Variants in GNA14 observed in about 807,000 individuals in gnomAD.
GNA14 encodes the protein G protein subunit alpha 14, also known as guanine nucleotide-binding protein subunit alpha-14.
Under a neutral mutation model 42.0 loss-of-function variants are expected in GNA14, and 50 were observed. The ratio of observed to expected loss-of-function variants is 1.19; its 90% CI spans 0.95 to 1.51. GNA14 has a LOEUF of 1.51. Ranked by LOEUF, GNA14 falls within the 40% of genes most tolerant of loss-of-function variation. The pLI is 0.00. For missense variants in GNA14, 473 were observed against 446.2 expected (o/e 1.06, Z -0.54); for synonymous variants, 173 against 163.1 (o/e 1.06, Z -0.46).
chr9:77,607,940 T>A (rs1169924696), intron 1 of GNA14, among the ~76,000 whole-genome samples: 2 of 152,134 alleles, frequency 1.3e-5, no homozygotes. Context: ...AACATTACAT[T>A]GAGGGTTAAG....
chr9:77,561,120 A>G (rs1030597497), intron 1 of GNA14, among the ~76,000 whole-genome samples: 3 of 152,214 alleles, frequency 2.0e-5, no homozygotes, highest in Admixed American at 2.0e-4. Context: ...TAGGAATTGA[A>G]TCAGGCTTCA....
In GNA14 at chr9:77,648,073, G is replaced by A; in HGVS notation, c.-280C>T. 2.1e-6 allele frequency: 1 copy of A among 476,404 alleles called. No homozygotes were observed. Among genetic ancestry groups the A allele is most frequent in the Non-Finnish European group, 3.7e-6 (1 of 270,326 alleles). 29.5% of individuals were successfully genotyped at this position (476,404 alleles called of 1,614,324 possible). On this transcript the variant is annotated 5_prime_UTR_variant, in exon 1 of 7. Coordinates refer to ENST00000341700, the MANE Select transcript of GNA14 (RefSeq NM_004297.4). Reference sequence around the variant, plus strand: ...CTCTCGCTCTGGGGAGGAGGAGGGCGAGTCGAGAAGTTGGGAGCGTTGCTG... The same window carrying A: ...CTCTCGCTCTGGGGAGGAGGAGGGCAAGTCGAGAAGTTGGGAGCGTTGCTG...
intron 2 of GNA14, among the ~76,000 whole-genome samples, chr9:77,477,055 G>A (rs532560165): frequency 2.0e-5 from 3 of 152,268 alleles, no homozygotes; most frequent in Admixed American, 6.5e-5. Context: ...GGAGGAAGGT[G>A]CATTTTGAAA....
chr9:77,636,488 G>A (rs947817868), intron 1 of GNA14, among the ~76,000 whole-genome samples: 3 of 152,180 alleles, frequency 2.0e-5, no homozygotes, highest in African/African-American at 7.2e-5. Flanking sequence ...ACCTGAGGCT[G>A]GGTAATTTAT....
intron 1 of GNA14, among the ~76,000 whole-genome samples, chr9:77,646,872 T>G (rs1183263134): frequency 6.6e-6 from 1 of 152,232 alleles, no homozygotes; most frequent in Non-Finnish European, 1.5e-5. Flanking sequence ...AAAGTGGATG[T>G]CCTACCCAGA....
At chr9:77,535,360 C>T (rs1837581965) in intron 1 of GNA14, among the ~76,000 whole-genome samples, 2 of 152,108 alleles carry the variant, frequency 1.3e-5, no homozygotes, top group Admixed American at 6.5e-5. Flanking sequence ...CTGGCTAACA[C>T]GGTGAAACCC....
At chr9:77,472,791 T>G (rs535061502) in intron 2 of GNA14, among the ~76,000 whole-genome samples, 2 of 144,212 alleles carry the variant, frequency 1.4e-5, no homozygotes, top group South Asian at 4.3e-4. Context: ...TGACATGATC[T>G]CTCTCTCTCT....
intron 3 of GNA14, 43 bp from the exon 4 acceptor site, chr9:77,431,492 G>A: frequency 6.4e-7 from 1 of 1,563,368 alleles, no homozygotes; most frequent in Non-Finnish European, 8.7e-7. Context: ...TTTTAGAGCA[G>A]GGGGAAATGT....
rs533866769 is a variant in GNA14 at position 77,489,934 on chromosome 9, T to A, written c.309+39135A>T. On this transcript the variant is annotated intron_variant, in intron 2 of 6. Transcript: ENST00000341700. ...CAGGTTGCCACTGGCAGCCTGTTTT[T>A]ATTCTTATCTGGCCCCGCCCACATC... Among the ~76,000 whole-genome samples, 573 of 152,278 alleles carry A rather than the reference T, an allele frequency of 3.8e-3. 1 individual carries two copies. The highest frequency in any genetic ancestry group is 0.014 in the Middle Eastern group (4 of 294).
At chr9:77,625,493 G>C (rs921325096) in intron 1 of GNA14, among the ~76,000 whole-genome samples, 7 of 152,162 alleles carry the variant, frequency 4.6e-5, no homozygotes, top group Admixed American at 3.9e-4. Context: ...GAGAAAGGTC[G>C]GGTTACCCAC....
At chr9:77,458,906 G>GGGGT (rs1564020442) in intron 2 of GNA14, among the ~76,000 whole-genome samples, 1 of 113,014 alleles carries the variant, frequency 8.8e-6, no homozygotes, top group Non-Finnish European at 2.0e-5. Flanking sequence ...CAAGCTGGAG[G>GGGGT]GGGGGGGGTT....
chr9:77,641,093 AGGGGGGGGAAGGAAGGAAG>A (rs1824254895), intron 1 of GNA14, among the ~76,000 whole-genome samples: 1 of 8,204 alleles, frequency 1.2e-4, no homozygotes, highest in South Asian at 0.011. Context: ...AGGGGAGGGG[AGGGGGGGGAAGGAAGGAAG>A]GAAGGAAGGA....
At chr9:77,500,875 T>A (rs1453522282) in intron 2 of GNA14, among the ~76,000 whole-genome samples, 1 of 152,194 alleles carries the variant, frequency 6.6e-6, no homozygotes, top group Non-Finnish European at 1.5e-5. Flanking sequence ...CTATAAACAT[T>A]TGTGTACAGG....
intron 1 of GNA14, among the ~76,000 whole-genome samples, chr9:77,628,752 G>A (rs1392304035): frequency 6.6e-6 from 1 of 152,102 alleles, no homozygotes; most frequent in Non-Finnish European, 1.5e-5. Flanking sequence ...ATGGATTATA[G>A]ACTTAAACAT....
At chr9:77,506,137 C>T (rs1837064479) in intron 2 of GNA14, among the ~76,000 whole-genome samples, 1 of 151,536 alleles carries the variant, frequency 6.6e-6, no homozygotes, top group African/African-American at 2.4e-5. Context: ...ATAAAATTAG[C>T]CAGGCATGGT....
At chr9:77,581,564 C>T (rs911004695) in intron 1 of GNA14, among the ~76,000 whole-genome samples, 6 of 152,148 alleles carry the variant, frequency 3.9e-5, no homozygotes, top group East Asian at 1.9e-4. Context: ...ACACAGTGGC[C>T]GGACATAAGG....
intron 1 of GNA14, among the ~76,000 whole-genome samples, chr9:77,641,093 A>G (rs1456790294): frequency 6.1e-4 from 5 of 8,200 alleles, no homozygotes; most frequent in African/African-American, 3.2e-3. Flanking sequence ...AGGGGAGGGG[A>G]GGGGGGGGAA....
intron 2 of GNA14, among the ~76,000 whole-genome samples, chr9:77,465,922 T>A (rs1345621548): frequency 6.6e-6 from 1 of 152,204 alleles, no homozygotes; most frequent in Non-Finnish European, 1.5e-5. Flanking sequence ...AGATTGTTGA[T>A]TGACTTTTTT....
intron 1 of GNA14, among the ~76,000 whole-genome samples, chr9:77,541,492 G>A (rs963294185): frequency 1.3e-5 from 2 of 152,154 alleles, no homozygotes; most frequent in African/African-American, 4.8e-5. Flanking sequence ...ACTTTAGACA[G>A]TTTGACTATA....
Sources: gnomAD v4.1 joint callset for allele counts (sites outside exome capture counted in the v4.1 genomes callset) on GRCh38, gnomAD v4.1.1 for gene constraint, MANE v1.5 for transcripts, NCBI Gene and HGNC (gene_info 2026-07-23, HGNC 2026-07-21) for gene names.